Variants in CYP2C19 observed in about 807,000 individuals in gnomAD.
CYP2C19 encodes the protein cytochrome P450 family 2 subfamily C member 19.
Under a neutral mutation model 40.9 loss-of-function variants are expected in CYP2C19, and 59 were observed. That is an observed-to-expected ratio of 1.44 (90% CI 1.17 to 1.79). The LOEUF is 1.79. CYP2C19 is among the 40% of genes most tolerant of loss of function. The pLI, the probability that CYP2C19 is intolerant of heterozygous loss-of-function variation, is 0.00. For missense variants in CYP2C19, 754 were observed against 596.9 expected, an observed-to-expected ratio of 1.26 and a Z score of -2.74; for synonymous variants, 253 against 208.7, an observed-to-expected ratio of 1.21 and a Z score of -1.83.
chr10:94,836,459 G>T (rs1262063819), intron 6 of CYP2C19, among the ~76,000 whole-genome samples: 1 of 152,190 alleles, frequency 6.6e-6, no homozygotes, highest in Non-Finnish European at 1.5e-5. Flanking sequence ...TGAGTCTTGG[G>T]TTAGAGACTT....
chr10:94,780,657 C>A lies in CYP2C19; in HGVS notation c.640C>A (p.Gln214Lys). Residue 214 changes from glutamine (Q) to lysine (K), a missense_variant and splice_region_variant, in exon 4 of 9, where the codon CAG becomes AAG. Physicochemically the swap from Gln to Lys is moderately conservative, Grantham distance 53. Coordinates refer to ENST00000371321, the MANE Select transcript of CYP2C19 (RefSeq NM_000769.4). ...NIRIVSTPWI[Q>K]ICNNFPTIID... ...CAGGATTGTAAGCACCCCCTGGATC[C>A]AGGTAAGGCCAAGTTTTTTGCTTCC... is the stretch of plus-strand genomic sequence containing the variant. 2 of 1,613,422 alleles carry A rather than the reference C, an allele frequency of 1.2e-6. No homozygotes were observed. The highest frequency in any genetic ancestry group is 1.7e-6 in the Non-Finnish European group (2 of 1,179,712).
chr10:94,798,722 T>C (rs1454353654), intron 5 of CYP2C19, among the ~76,000 whole-genome samples: 2 of 152,034 alleles, frequency 1.3e-5, no homozygotes, highest in Non-Finnish European at 2.9e-5. Flanking sequence ...CTTGTTGAAT[T>C]GATCCCTTTA....
At chr10:94,800,914 TA>T (rs1319795331) in intron 5 of CYP2C19, among the ~76,000 whole-genome samples, 3 of 152,164 alleles carry the variant, frequency 2.0e-5, no homozygotes, top group Non-Finnish European at 2.9e-5. Flanking sequence ...CTTTTCCAGG[TA>T]TCATCTCTCA....
intron 5 of CYP2C19, among the ~76,000 whole-genome samples, chr10:94,817,932 G>A (rs1849035984): frequency 6.8e-6 from 1 of 147,150 alleles, no homozygotes. Flanking sequence ...AGAATGGCGT[G>A]AACCCGGGAG....
At chr10:94,779,714 C>T (rs977227705) in intron 3 of CYP2C19, among the ~76,000 whole-genome samples, 1 of 151,836 alleles carries the variant, frequency 6.6e-6, no homozygotes, top group Non-Finnish European at 1.5e-5. Flanking sequence ...GCACCCACCA[C>T]CACACTCGAC....
rs1849690623 is a variant in CYP2C19 at position 94,853,699 on chromosome 10, C to T, written c.*785C>T. ...TAGCTGGGATTACAGACACGTGCCA[C>T]CATGCCTGGCTAATTTTTTTGTATT... On this transcript the variant is annotated 3_prime_UTR_variant, in exon 9 of 9. Coordinates refer to ENST00000371321, the MANE Select transcript of CYP2C19 (RefSeq NM_000769.4). Among the ~76,000 whole-genome samples, 2 of 151,970 alleles carry T rather than the reference C, an allele frequency of 1.3e-5. No individual in the cohort carries two copies. Among genetic ancestry groups the T allele is most frequent in the Admixed American group, 1.3e-4 (2 of 15,256 alleles).
At chr10:94,824,084 C>A (rs1450524370) in intron 6 of CYP2C19, among the ~76,000 whole-genome samples, 1 of 151,942 alleles carries the variant, frequency 6.6e-6, no homozygotes, top group Non-Finnish European at 1.5e-5. Context: ...CAGAAAATTA[C>A]AAATAGAAAT....
rs185210641 is a variant in CYP2C19, at chr10:94,813,265, C to T, written c.820-7231C>T. Among the ~76,000 whole-genome samples, 114 of 152,154 alleles carry T rather than the reference C, an allele frequency of 7.5e-4. No individual in the cohort carries two copies. In the Middle Eastern group the frequency reaches 0.017, roughly 23 times the overall value. On this transcript the variant is annotated intron_variant, in intron 5 of 8. Transcript: ENST00000371321. The stretch of plus-strand genomic sequence containing the variant: ...AGCTTCGTCCTAGAGGGACACTTGC[C>T]AGATACCAGCCAAAGCTCTTTTGTA...
At chr10:94,825,401 T>C (rs879781531) in intron 6 of CYP2C19, among the ~76,000 whole-genome samples, 7 of 150,744 alleles carry the variant, frequency 4.6e-5, no homozygotes, top group Non-Finnish European at 1.0e-4. Context: ...ATTTCTCTGA[T>C]GGCCAGTGAT....
intron 6 of CYP2C19, among the ~76,000 whole-genome samples, chr10:94,838,126 T>G (rs1849434114): frequency 6.6e-6 from 1 of 152,166 alleles, no homozygotes; most frequent in African/African-American, 2.4e-5. Flanking sequence ...TGGACATCAT[T>G]GAATAATTCA....
chr10:94,772,797 C>T (rs549028697), intron 1 of CYP2C19, among the ~76,000 whole-genome samples: 19 of 152,232 alleles, frequency 1.2e-4, no homozygotes, highest in South Asian at 8.3e-4. Context: ...TGTTTTGAGA[C>T]GGAGTCTCGC....
intron 5 of CYP2C19, among the ~76,000 whole-genome samples, chr10:94,795,263 T>C (rs1215097137): frequency 6.6e-6 from 1 of 151,170 alleles, no homozygotes; most frequent in Non-Finnish European, 1.5e-5. Flanking sequence ...GTTTGGTTTT[T>C]TCTCCTTGCC....
chr10:94,816,086 TTA>T (rs1848997336), intron 5 of CYP2C19, among the ~76,000 whole-genome samples: 2 of 145,454 alleles, frequency 1.4e-5, no homozygotes, highest in Admixed American at 1.3e-4. Context: ...GATCTTCTGC[TTA>T]TATATTTTTT....
chr10:94,766,154 G>A (rs1848239641), intron 1 of CYP2C19, among the ~76,000 whole-genome samples: 1 of 151,988 alleles, frequency 6.6e-6, no homozygotes, highest in Admixed American at 6.6e-5. Flanking sequence ...CCAGTTTTTT[G>A]TGGGAATGGG....
chr10:94,787,782 T>C (rs1017715166), intron 5 of CYP2C19, among the ~76,000 whole-genome samples: 1 of 152,130 alleles, frequency 6.6e-6, no homozygotes, highest in African/African-American at 2.4e-5. Context: ...TTGTCAACTT[T>C]GTTGAAGATC....
At chr10:94,775,669 G>A in intron 3 of CYP2C19, 130 bp downstream of exon 3, 2 of 1,512,936 alleles carry the variant, frequency 1.3e-6, no homozygotes. Flanking sequence ...GTGAAGCAGG[G>A]TTTGAAGCTG....
At chr10:94,794,000 G>A (rs1053989610) in intron 5 of CYP2C19, among the ~76,000 whole-genome samples, 1 of 152,108 alleles carries the variant, frequency 6.6e-6, no homozygotes, top group Non-Finnish European at 1.5e-5. Flanking sequence ...AGGTGCGGTG[G>A]TCTCCACCCA....
chr10:94,824,658 T>C (rs1849184868), intron 6 of CYP2C19, among the ~76,000 whole-genome samples: 1 of 152,206 alleles, frequency 6.6e-6, no homozygotes, highest in African/African-American at 2.4e-5. Flanking sequence ...TTCAAACATT[T>C]CATTTTTTTA....
chr10:94,763,792 T>C lies in CYP2C19; in HGVS notation c.168+919T>C, dbSNP rs559761684. ...ATGCTTTTGTGTCTGGAACTGGTTCTTTCCAGTGGGTTCTTGGTCTCGCTG... is the reference window on the plus strand; with the variant it reads ...ATGCTTTTGTGTCTGGAACTGGTTCCTTCCAGTGGGTTCTTGGTCTCGCTG... On this transcript the variant is annotated intron_variant, in intron 1 of 8. Transcript: ENST00000371321. Among the ~76,000 whole-genome samples, 434 of 152,196 alleles carry C rather than the reference T, an allele frequency of 2.9e-3. 2 individuals are homozygous for C. Among genetic ancestry groups the C allele is most frequent in the African/African-American group, 1.0e-2 (414 of 41,550 alleles).
Sources: gnomAD v4.1 joint callset for allele counts (sites outside exome capture counted in the v4.1 genomes callset) on GRCh38, gnomAD v4.1.1 for gene constraint, MANE v1.5 for transcripts, NCBI Gene and HGNC (gene_info 2026-07-23, HGNC 2026-07-21) for gene names.